Variants in PDE6A observed in about 807,000 individuals in gnomAD.
The protein encoded by PDE6A is phosphodiesterase 6A.
PDE6A carries 84 observed loss-of-function variants against 106.3 expected under a neutral mutation model. The observed-to-expected ratio is 0.79, with a 90% confidence interval of 0.66 to 0.95. The LOEUF (loss-of-function observed/expected upper bound fraction) is 0.95. PDE6A is among the 40% of genes least tolerant of loss of function. PDE6A has a pLI of 0.00. For missense variants in PDE6A, 1,052 were observed against 1,084.9 expected (o/e 0.97, Z 0.43); for synonymous variants, 394 against 386.6 (o/e 1.02, Z -0.23).
At chr5:149,880,722 A>C (rs533037204) in intron 17 of PDE6A, among the ~76,000 whole-genome samples, 26 of 151,978 alleles carry the variant, frequency 1.7e-4, no homozygotes, top group Non-Finnish European at 3.2e-4. Context: ...GAAAAGCACA[A>C]GCAAAAGTCA....
intron 4 of PDE6A, among the ~76,000 whole-genome samples, chr5:149,927,571 C>T (rs1753898900): frequency 6.6e-6 from 1 of 151,938 alleles, no homozygotes; most frequent in South Asian, 2.1e-4. Context: ...AGCCACCAAG[C>T]CTGGCTTGTA....
At chr5:149,897,311 G>C (rs1406735864) in intron 10 of PDE6A, among the ~76,000 whole-genome samples, 1 of 152,186 alleles carries the variant, frequency 6.6e-6, no homozygotes, top group Admixed American at 6.5e-5. Flanking sequence ...ATGTGCCAGA[G>C]GAGGGGGAAC....
Position 149,909,306 on chromosome 5 carries a change from G to A in PDE6A, c.999-1928C>T, listed in dbSNP as rs149039536. ...CTCACGTGTAGGACTGTAGGCATGT[G>A]CCATCACACCCAGCCAATTTTTAAA... On this transcript the variant is annotated intron_variant, in intron 6 of 21. Coordinates refer to ENST00000255266, the MANE Select transcript of PDE6A (RefSeq NM_000440.3). 5.1e-3 allele frequency among the ~76,000 whole-genome samples: 780 copies of A among 152,294 alleles called. 3 individuals carry two copies. The highest frequency in any genetic ancestry group is 0.017 in the African/African-American group (712 of 41,572).
At chr5:149,912,011 T>C (rs1037054679) in intron 6 of PDE6A, among the ~76,000 whole-genome samples, 3 of 152,162 alleles carry the variant, frequency 2.0e-5, no homozygotes, top group African/African-American at 7.2e-5. Context: ...GCTAATTAAA[T>C]AAATAAAATT....
chr5:149,898,153 G>A (rs1752828362), intron 10 of PDE6A, among the ~76,000 whole-genome samples: 1 of 152,108 alleles, frequency 6.6e-6, no homozygotes. Context: ...ACCACTCTCA[G>A]GCACTCATCT....
At chr5:149,904,636 G>A (rs1161480795) in intron 7 of PDE6A, among the ~76,000 whole-genome samples, 1 of 152,134 alleles carries the variant, frequency 6.6e-6, no homozygotes, top group Non-Finnish European at 1.5e-5. Flanking sequence ...GGCTTGTAGT[G>A]ACCCTGCCTG....
intron 4 of PDE6A, among the ~76,000 whole-genome samples, chr5:149,923,293 T>C (rs1018760454): frequency 1.3e-5 from 2 of 151,616 alleles, no homozygotes; most frequent in Non-Finnish European, 1.5e-5. Context: ...AGCCCAGGAG[T>C]TTGACACCAG....
At chr5:149,881,094 A>G (rs551886204) in intron 17 of PDE6A, among the ~76,000 whole-genome samples, 3 of 152,274 alleles carry the variant, frequency 2.0e-5, no homozygotes, top group South Asian at 4.1e-4. Context: ...AAATCAAAAC[A>G]TAACAGATGC....
At chr5:149,906,934 G>A (rs140031409) in intron 7 of PDE6A, among the ~76,000 whole-genome samples, 365 of 152,184 alleles carry the variant, frequency 2.4e-3, no homozygotes, top group Non-Finnish European at 4.0e-3. Flanking sequence ...ACCATGCCCA[G>A]CAAATTTTTA....
chr5:149,868,040 C>T (rs1244159363), intron 18 of PDE6A, 55 bp downstream of exon 18: 4 of 1,544,114 alleles, frequency 2.6e-6, no homozygotes, highest in Non-Finnish European at 3.6e-6. Context: ...AGCCTCATGA[C>T]CTGATGCCCC....
rs752568832 is a variant in PDE6A at position 149,944,635 on chromosome 5, C to T, written c.39G>A (p.Leu13=). The change falls in exon 1 of 22, where the codon CTG becomes CTA. Residue 13 remains leucine (L), a synonymous_variant. Coordinates refer to ENST00000255266, the MANE Select transcript of PDE6A (RefSeq NM_000440.3). The part of the protein sequence containing the change: ...EVTAEEVEKF[L]DSNIGFAKQY... ...GTTTGGCAAAGCCAATATTCGAGTC[C>T]AGGAACTTCTCCACCTCCTCTGCTG... The T allele has an allele frequency of 2.7e-5, 43 of 1,613,018 alleles. No homozygotes were observed. Among genetic ancestry groups the T allele is most frequent in the Non-Finnish European group, 3.4e-5 (40 of 1,179,678 alleles).
In PDE6A at chr5:149,934,517, T is replaced by A. The variant is rs60214615; in HGVS notation, c.627+49A>T. 3,008 of 1,598,626 alleles carry A rather than the reference T, an allele frequency of 1.9e-3. 54 individuals are homozygous for A. The African/African-American group carries it at 0.036, about 19-fold the overall frequency. ...GCAAAGTTCAGGGGACTTCATAGGC[T>A]GGGAGAATGTGCTAGCATGGCTATC... On this transcript the variant is annotated intron_variant, in intron 2 of 21. Transcript: ENST00000255266.
rs771060840 is a variant in PDE6A, at chr5:149,898,522, A to T, written c.1264-16T>A. 4.3e-6 allele frequency: 7 copies of T among 1,610,752 alleles called. No homozygotes were observed. Among genetic ancestry groups the T allele is most frequent in the Admixed American group, 1.7e-5 (1 of 59,966 alleles). On this transcript the variant is annotated splice_polypyrimidine_tract_variant and intron_variant, in intron 9 of 21. Transcript: ENST00000255266. ...GAGTCAAAGACTGAAAAAGAAAGAA[A>T]GGAGGAATCAGAGACAGAACACCTA...
chr5:149,894,075 C>G (rs1193671948), intron 13 of PDE6A, among the ~76,000 whole-genome samples: 3 of 152,106 alleles, frequency 2.0e-5, no homozygotes, highest in Non-Finnish European at 4.4e-5. Flanking sequence ...AGAGGGAAAT[C>G]TTGGATTTTA....
Position 149,931,061 on chromosome 5 carries a change from GTA to G in PDE6A, c.823_824del (p.Tyr275LeufsTer15). The G allele has an allele frequency of 4.3e-6, 7 of 1,614,082 alleles. No individual in the cohort carries two copies. Among genetic ancestry groups the G allele is most frequent in the Non-Finnish European group, 5.1e-6 (6 of 1,179,926 alleles). ...TGGTCATGTCTAAGAGACCCACAGA[GTA>G]TCTGTCACAGTTGAGGAAAGCACGG... ...TVRAFLNCDR[Y>X]SVGLLDMTKQ... On this transcript the variant is annotated frameshift_variant, in exon 4 of 22. Transcript: ENST00000255266. LOFTEE classifies it high-confidence loss of function.
rs141300510 is a variant in PDE6A, at chr5:149,931,121, G to C, written c.765C>G (p.Ile255Met). 21 of 1,613,940 alleles carry C rather than the reference G, an allele frequency of 1.3e-5. No homozygotes were observed. Among genetic ancestry groups the C allele is most frequent in the Non-Finnish European group, 1.7e-5 (20 of 1,179,948 alleles). Reference protein sequence around the residue: ...GSKVFEELTDIERQFHKALYT... With the variant: ...GSKVFEELTDMERQFHKALYT... ...ACAGGGCTTTGTGGAACTGTCGTTC[G>C]ATGTCCGTAAGTTCTTCAAAGACTT... Residue 255 changes from isoleucine (I) to methionine (M), a missense_variant, in exon 4 of 22, where the codon ATC (isoleucine) becomes ATG (methionine). By Grantham distance (10) the Ile-to-Met change is conservative. Coordinates refer to ENST00000255266, the MANE Select transcript of PDE6A (RefSeq NM_000440.3).
At chr5:149,931,758 A>T (rs924392280) in intron 3 of PDE6A, among the ~76,000 whole-genome samples, 2 of 152,224 alleles carry the variant, frequency 1.3e-5, no homozygotes, top group African/African-American at 4.8e-5. Flanking sequence ...ACTCTCTCCC[A>T]TTCAGAATCA....
At chr5:149,873,167 T>C (rs1207669035) in intron 17 of PDE6A, among the ~76,000 whole-genome samples, 2 of 152,212 alleles carry the variant, frequency 1.3e-5, no homozygotes, top group Non-Finnish European at 2.9e-5. Context: ...AATCATAAAA[T>C]ATAATTTGTA....
At chr5:149,901,663 T>G (rs1752985552) in intron 8 of PDE6A, among the ~76,000 whole-genome samples, 1 of 152,220 alleles carries the variant, frequency 6.6e-6, no homozygotes, top group South Asian at 2.1e-4. Context: ...TAAACTGCAA[T>G]CAAGTGGATG....
Sources: gnomAD v4.1 joint callset for allele counts (sites outside exome capture counted in the v4.1 genomes callset) on GRCh38, gnomAD v4.1.1 for gene constraint, MANE v1.5 for transcripts, NCBI Gene and HGNC (gene_info 2026-07-23, HGNC 2026-07-21) for gene names.